The following PTK2B variants were observed in gnomAD, a reference collection of about 807,000 sequenced individuals.
PTK2B encodes the protein protein tyrosine kinase 2 beta.
In PTK2B, 71 loss-of-function variants were observed where a neutral mutation model predicts 142.9. The observed-to-expected ratio is 0.50, with a 90% CI of 0.41 to 0.61. The LOEUF (loss-of-function observed/expected upper bound fraction) is 0.61, where lower values mean the gene tolerates loss of function less well. PTK2B is among the 20% of genes least tolerant of loss of function. PTK2B has a pLI of 0.00. For missense variants in PTK2B, 1,105 were observed against 1,320.4 expected (o/e 0.84, Z 2.53); for synonymous variants, 519 against 503.4 (o/e 1.03, Z -0.42).
chr8:27,456,249 G>T (rs1812132941), intron 30 of PTK2B, among the ~76,000 whole-genome samples: 1 of 152,122 alleles, frequency 6.6e-6, no homozygotes, highest in Non-Finnish European at 1.5e-5. Flanking sequence ...GAACATTTGT[G>T]GCAACCCTAC....
intron 2 of PTK2B, among the ~76,000 whole-genome samples, chr8:27,403,286 G>A (rs1808489316): frequency 6.6e-6 from 1 of 152,202 alleles, no homozygotes; most frequent in African/African-American, 2.4e-5. Context: ...CTGATCAAAT[G>A]GAAGCAGTCG....
chr8:27,367,609 G>C (rs1806099267), intron 1 of PTK2B, among the ~76,000 whole-genome samples: 2 of 152,208 alleles, frequency 1.3e-5, no homozygotes, highest in South Asian at 4.1e-4. Context: ...CAGAATATCA[G>C]AGGCTGGGTA....
intron 1 of PTK2B, among the ~76,000 whole-genome samples, chr8:27,360,916 C>T (rs1368405943): frequency 6.6e-6 from 1 of 152,106 alleles, no homozygotes; most frequent in Non-Finnish European, 1.5e-5. Context: ...TCGAAATGGT[C>T]AGTGGGGTGA....
intron 1 of PTK2B, among the ~76,000 whole-genome samples, chr8:27,349,158 AG>A (rs1486315209): frequency 1.3e-5 from 2 of 152,216 alleles, no homozygotes; most frequent in African/African-American, 4.8e-5. Flanking sequence ...AAAGTTTCCA[AG>A]GTGTCATGTT....
chr8:27,364,379 T>G (rs1279223915), intron 1 of PTK2B, among the ~76,000 whole-genome samples: 4 of 152,202 alleles, frequency 2.6e-5, no homozygotes, highest in African/African-American at 9.7e-5. Flanking sequence ...GCGTAACGCA[T>G]TATTTCCAGC....
chr8:27,355,618 A>G (rs1334362650), intron 1 of PTK2B, among the ~76,000 whole-genome samples: 1 of 152,230 alleles, frequency 6.6e-6, no homozygotes, highest in Admixed American at 6.5e-5. Flanking sequence ...CTGGAGAGCA[A>G]CTTGGCAGCA....
intron 1 of PTK2B, among the ~76,000 whole-genome samples, chr8:27,325,960 G>T (rs1803386042): frequency 6.6e-6 from 1 of 152,144 alleles, no homozygotes; most frequent in South Asian, 2.1e-4. Context: ...AGACAGGGGA[G>T]GCTGGGGGAG....
chr8:27,351,040 TACG>T (rs1805062608), intron 1 of PTK2B, among the ~76,000 whole-genome samples: 1 of 97,938 alleles, frequency 1.0e-5, no homozygotes, highest in African/African-American at 4.7e-5. Flanking sequence ...TATATATATA[TACG>T]TGCTTGGAGC....
chr8:27,439,664 C>A (rs1811032986), intron 20 of PTK2B, among the ~76,000 whole-genome samples: 1 of 151,942 alleles, frequency 6.6e-6, no homozygotes. Flanking sequence ...CCTACCAGCC[C>A]CAGAAACTAA....
chr8:27,421,050 A>G (rs894663586), intron 4 of PTK2B, among the ~76,000 whole-genome samples: 1 of 152,170 alleles, frequency 6.6e-6, no homozygotes, highest in Non-Finnish European at 1.5e-5. Context: ...TGCAGTGCTT[A>G]CTACACAGCT....
chr8:27,347,427 A>G (rs1027741218), intron 1 of PTK2B, among the ~76,000 whole-genome samples: 12 of 152,210 alleles, frequency 7.9e-5, no homozygotes, highest in Admixed American at 2.0e-4. Context: ...GTCATCAGAA[A>G]GTACCACAGA....
Position 27,431,474 on chromosome 8 carries a change from TAGAG to T in PTK2B, c.885+6_885+9del, listed in dbSNP as rs1563281273. 6.2e-7 allele frequency: 1 copy of T among 1,613,968 alleles called. No individual in the cohort carries two copies. Among genetic ancestry groups the T allele is most frequent in the Admixed American group, 1.7e-5 (1 of 60,032 alleles). On this transcript the variant is annotated splice_donor_5th_base_variant and intron_variant, in intron 9 of 30. Coordinates refer to ENST00000346049, the MANE Select transcript of PTK2B (RefSeq NM_173176.3). ...CAGCTGACTAGTCAGGACGCAAAGG[TAGAG>T]AGACCCGGGGCAGCCCCACCCAGCC... is the stretch of plus-strand genomic sequence containing the variant.
chr8:27,416,914 G>A (rs6993151), intron 2 of PTK2B, among the ~76,000 whole-genome samples: 64,899 of 151,930 alleles, frequency 0.43, 14,314 homozygotes, highest in South Asian at 0.53. Flanking sequence ...GAGACACTAC[G>A]CACCCACTGA....
chr8:27,361,570 G>A (rs571953953), intron 1 of PTK2B, among the ~76,000 whole-genome samples: 2 of 152,250 alleles, frequency 1.3e-5, no homozygotes, highest in South Asian at 4.1e-4. Context: ...ACTGGGCAGG[G>A]TGGGAAAATG....
intron 1 of PTK2B, among the ~76,000 whole-genome samples, chr8:27,350,568 C>T (rs1038047971): frequency 7.8e-6 from 1 of 128,072 alleles, no homozygotes; most frequent in Non-Finnish European, 1.9e-5. Flanking sequence ...GGGCAAAGAT[C>T]AGTAGAGCCT....
At position 27,420,718 on chromosome 8, in the gene PTK2B, A is replaced by C. The variant is rs148416337; in HGVS notation, c.445A>C (p.Thr149Pro). ...DFMESLKEDR[T>P]TLLYFYQQLR... ...CATGGAGAGCCTGAAGGAGGACAGGACCACGCTGCTCTATTTTTACCAACA... is the reference window on the plus strand; with the variant it reads ...CATGGAGAGCCTGAAGGAGGACAGGCCCACGCTGCTCTATTTTTACCAACA... The change falls in exon 4 of 31, where the codon ACC becomes CCC. Residue 149 changes from threonine to proline, a missense_variant. By Grantham distance (38) the Thr-to-Pro change is conservative. Transcript: ENST00000346049. 1 of 1,613,780 alleles carries C rather than the reference A, an allele frequency of 6.2e-7. No individual in the cohort carries two copies. Among genetic ancestry groups the C allele is most frequent in the African/African-American group, 1.3e-5 (1 of 74,888 alleles).
intron 13 of PTK2B, among the ~76,000 whole-genome samples, chr8:27,435,267 T>C (rs575495794): frequency 6.6e-6 from 1 of 152,370 alleles, no homozygotes; most frequent in East Asian, 1.9e-4. Context: ...TCTCTTCTTC[T>C]GTGTACATGA....
chr8:27,437,914 G>A (rs896580233), intron 18 of PTK2B, 34 bp downstream of exon 18: 14 of 1,552,306 alleles, frequency 9.0e-6, no homozygotes, highest in Middle Eastern at 3.3e-4. Context: ...CGGTATGGAA[G>A]CCAGGCCTTC....
chr8:27,368,139 G>T (rs543044453), intron 1 of PTK2B, among the ~76,000 whole-genome samples: 1 of 152,360 alleles, frequency 6.6e-6, no homozygotes, highest in African/African-American at 2.4e-5. Flanking sequence ...CTTTCTCTCT[G>T]CCATGGAGTG....
Sources: allele counts gnomAD v4.1 joint callset (sites outside exome capture counted in the v4.1 genomes callset), GRCh38; gene constraint gnomAD v4.1.1; transcripts MANE v1.5; gene names NCBI Gene and HGNC (gene_info 2026-07-23, HGNC 2026-07-21).